Variants in DHX8 observed in about 807,000 individuals in gnomAD.
The protein encoded by DHX8 is ATP-dependent RNA helicase DHX8.
DHX8 carries 67 observed loss-of-function variants against 140.7 expected under a neutral mutation model. The observed-to-expected ratio is 0.48, with a 90% CI of 0.39 to 0.58. The LOEUF (loss-of-function observed/expected upper bound fraction) is 0.58, where lower values mean the gene tolerates loss of function less well. Ranked by LOEUF, DHX8 falls within the 20% of genes least tolerant of loss-of-function variation. The pLI is 0.00. For missense variants in DHX8, 887 were observed against 1,550.7 expected, an observed-to-expected ratio of 0.57 and a Z score of 7.19; for synonymous variants, 533 against 553.2, an observed-to-expected ratio of 0.96 and a Z score of 0.51.
At chr17:43,508,652 C>T (rs997933372) in intron 16 of DHX8, 132 bp downstream of exon 16, 3 of 586,600 alleles carry the variant, frequency 5.1e-6, no homozygotes, top group South Asian at 2.5e-5. Context: ...GGCAGAGTCT[C>T]GCTCTCACCC....
chr17:43,536,167 CT>C lies in DHX8; in HGVS notation c.351-244del, dbSNP rs1971233999. The C allele has an allele frequency of 8.1e-6, 4 of 496,208 alleles. No individual in the cohort carries two copies. In the East Asian group the frequency reaches 1.3e-4, roughly 16 times the overall value. The allele number at this position is 496,208 out of a possible 1,614,324, so 30.7% of individuals were successfully genotyped here. On this transcript the variant is annotated intron_variant, in intron 2 of 3. Coordinates refer to the DHX8 transcript ENST00000589898. ...AACACTAGAACTGGACTCTGCTGAA[CT>C]GGCCCAGGCCCCTCACTTCAGATAT... is the stretch of plus-strand genomic sequence containing the variant.
At chr17:43,521,981 A>G in intron 21 of DHX8, 66 bp from the exon 22 acceptor site, 1 of 1,543,772 alleles carries the variant, frequency 6.5e-7, no homozygotes, top group Non-Finnish European at 8.9e-7. Flanking sequence ...TGTGTTGGGC[A>G]CTGTCATTGT....
chr17:43,490,786 G>A (rs941615666), intron 3 of DHX8, among the ~76,000 whole-genome samples: 1 of 152,064 alleles, frequency 6.6e-6, no homozygotes, highest in Non-Finnish European at 1.5e-5. Context: ...AGGAAGGAGT[G>A]TTGCTTGAGT....
intron 2 of DHX8, 57 bp from the exon 3 acceptor site, chr17:43,490,334 T>A (rs960559793): frequency 7.4e-7 from 1 of 1,345,900 alleles, no homozygotes; most frequent in Non-Finnish European, 1.1e-6. Flanking sequence ...GCCTTTTAAG[T>A]GTATTTAAGC....
At chr17:43,522,924 G>A (rs1291510668) in intron 22 of DHX8, among the ~76,000 whole-genome samples, 2 of 148,696 alleles carry the variant, frequency 1.3e-5, no homozygotes, top group East Asian at 2.0e-4. Context: ...TTAGCCAGGC[G>A]TGGTGGCAGG....
chr17:43,542,736 G>T (rs1598218399), intron 3 of DHX8, among the ~76,000 whole-genome samples: 1 of 152,142 alleles, frequency 6.6e-6, no homozygotes, highest in East Asian at 1.9e-4. Context: ...TCCTGTATCT[G>T]CCCGGCTCCA....
chr17:43,530,242 G>A, downstream of DHX8: 1 of 1,550,366 alleles, frequency 6.5e-7, no homozygotes, highest in South Asian at 1.2e-5. Flanking sequence ...GGGCAGGGGA[G>A]GAGGAAGTCC....
downstream of DHX8, chr17:43,526,097 A>T: frequency 1.0e-6 from 1 of 985,314 alleles, no homozygotes; most frequent in Non-Finnish European, 1.2e-6. Flanking sequence ...CAGGAAAGCA[A>T]TGTCAGCAGC....
chr17:43,533,218 G>A, intron 2 of DHX8: 1 of 1,614,034 alleles, frequency 6.2e-7, no homozygotes, highest in African/African-American at 1.3e-5. Context: ...TGGCCAGGGT[G>A]GGGCTGGGAG....
rs748275231 is a variant in DHX8 at position 43,493,503 on chromosome 17, A to C, written c.922A>C (p.Asn308His). Residue 308 changes from asparagine (N) to histidine (H), a missense_variant, in exon 7 of 23, where the codon AAT (asparagine) becomes CAT (histidine). Physicochemically the swap from Asn to His is moderately conservative, Grantham distance 68. Coordinates refer to ENST00000262415, the MANE Select transcript of DHX8 (RefSeq NM_004941.3). ...GCTCCGGCGGGAGGGTCGTGTGGCC[A>C]ATGTAGCTGATGTCGTGAGCAAAGG... is the stretch of plus-strand genomic sequence containing the variant. ...SELRREGRVANVADVVSKGQR... is the reference protein window; with the variant it reads ...SELRREGRVAHVADVVSKGQR... 2.0e-5 allele frequency: 33 copies of C among 1,614,140 alleles called. No individual in the cohort carries two copies. The East Asian group carries it at 7.4e-4, about 36-fold the overall frequency.
chr17:43,521,957 C>A, intron 21 of DHX8, 90 bp from the exon 22 acceptor site: 2 of 1,402,684 alleles, frequency 1.4e-6, no homozygotes, highest in Non-Finnish European at 2.0e-6. Context: ...CTACTCTGGG[C>A]ACCCCAAGAT....
chr17:43,488,893 G>A (rs1439543233), intron 1 of DHX8, among the ~76,000 whole-genome samples: 1 of 152,060 alleles, frequency 6.6e-6, no homozygotes, highest in African/African-American at 2.4e-5. Flanking sequence ...TGCACTCAAG[G>A]GCTACATTGA....
At chr17:43,520,673 C>T in intron 19 of DHX8, 78 bp from the exon 20 acceptor site, 1 of 1,584,612 alleles carries the variant, frequency 6.3e-7, no homozygotes, top group Non-Finnish European at 8.6e-7. Context: ...GTTACCCACT[C>T]TGACCAAGGT....
chr17:43,525,270 G>A lies in DHX8; in HGVS notation c.*1423G>A, dbSNP rs1970573574. On this transcript the variant is annotated 3_prime_UTR_variant, in exon 23 of 23. Transcript: ENST00000262415. Reference sequence around the variant, plus strand: ...TGTTATTAGTAAGTTCTGAAGTGATGTAAATGCTAGAACTACTGTAGAACT... The same window carrying A: ...TGTTATTAGTAAGTTCTGAAGTGATATAAATGCTAGAACTACTGTAGAACT... The A allele has an allele frequency of 1.0e-6, 1 of 985,336 alleles. No individual in the cohort carries two copies. Among genetic ancestry groups the A allele is most frequent in the Non-Finnish European group, 1.2e-6 (1 of 829,954 alleles). The allele number at this position is 985,336 out of a possible 1,614,324, so 61.0% of individuals were successfully genotyped here.
chr17:43,528,309 T>G (rs934932302), downstream of DHX8: 6 of 497,972 alleles, frequency 1.2e-5, no homozygotes, highest in Non-Finnish European at 2.1e-5. Flanking sequence ...CAGGGGAGTT[T>G]CTGAGACTCT....
chr17:43,532,834 G>A, intron 2 of DHX8: 1 of 1,613,950 alleles, frequency 6.2e-7, no homozygotes, highest in Non-Finnish European at 8.5e-7. Flanking sequence ...GATAGGGTGG[G>A]CAGGGCTCCG....
intron 16 of DHX8, among the ~76,000 whole-genome samples, chr17:43,511,598 CA>C (rs1177842953): frequency 2.0e-5 from 3 of 150,872 alleles, no homozygotes; most frequent in African/African-American, 7.3e-5. Context: ...GCTGGGATTA[CA>C]GGCATGTGCC....
At chr17:43,528,985 C>A, downstream of DHX8, 1 of 840,208 alleles carries the variant, frequency 1.2e-6, no homozygotes, top group Admixed American at 2.1e-5. Context: ...GGAGGAGAAC[C>A]TTGGGATTCT....
chr17:43,518,889 G>C (rs1970243482), intron 18 of DHX8: 1 of 152,058 alleles, frequency 6.6e-6, no homozygotes, highest in African/African-American at 2.4e-5. Context: ...TTAGAATAAT[G>C]TTTTCAAGAT....
Sources: allele counts gnomAD v4.1 joint callset (sites outside exome capture counted in the v4.1 genomes callset), GRCh38; gene constraint gnomAD v4.1.1; transcripts MANE v1.5; gene names NCBI Gene and HGNC (gene_info 2026-07-23, HGNC 2026-07-21).